Variants in BMP2K observed in about 807,000 individuals in gnomAD.
The protein encoded by BMP2K is BMP-2-inducible protein kinase.
Under a neutral mutation model 116.0 loss-of-function variants are expected in BMP2K, and 74 were observed. That is an observed-to-expected ratio of 0.64 (90% CI 0.53 to 0.77). The LOEUF is 0.77. Among genes scored for constraint, BMP2K ranks in the 30% least tolerant of loss-of-function variants. The pLI is 0.00. For missense variants in BMP2K, 1,365 were observed against 1,403.6 expected (o/e 0.97, Z 0.44); for synonymous variants, 486 against 502.5 (o/e 0.97, Z 0.44).
chr4:78,794,399 G>C (rs955590381), intron 1 of BMP2K, among the ~76,000 whole-genome samples: 1 of 151,970 alleles, frequency 6.6e-6, no homozygotes, highest in Non-Finnish European at 1.5e-5. Flanking sequence ...GTTTCTGTGG[G>C]AAAATATTCT....
intron 7 of BMP2K, chr4:78,859,049 C>G (rs1449613724): frequency 6.6e-6 from 1 of 151,808 alleles, no homozygotes; most frequent in African/African-American, 2.4e-5. Flanking sequence ...AGATACAGAA[C>G]TATGGTGAAT....
intron 2 of BMP2K, 66 bp downstream of exon 2, chr4:78,826,221 G>A (rs1372834061): frequency 9.2e-6 from 11 of 1,195,946 alleles, no homozygotes; most frequent in Non-Finnish European, 1.1e-5. Context: ...TTCTTGGGAT[G>A]GAGTGCAGTG....
rs533897157 is a variant in BMP2K, at chr4:78,894,708, A to T, written c.2062+7424A>T. ...GTATCACTTTTAATTTCCTTCAATA[A>T]TTTTTCCTTTGTGTTCACTTGGCTA... is the stretch of plus-strand genomic sequence containing the variant. On this transcript the variant is annotated intron_variant, in intron 15 of 15. Coordinates refer to ENST00000502613, the MANE Select transcript of BMP2K (RefSeq NM_198892.2). 3.3e-5 allele frequency among the ~76,000 whole-genome samples: 5 copies of T among 152,046 alleles called. 1 individual carries two copies. Among genetic ancestry groups the T allele is most frequent in the Middle Eastern group, 6.8e-3 (2 of 294 alleles).
At chr4:78,808,513 G>A (rs757617531) in intron 1 of BMP2K, among the ~76,000 whole-genome samples, 3 of 151,928 alleles carry the variant, frequency 2.0e-5, no homozygotes, top group African/African-American at 4.8e-5. Flanking sequence ...TGATCCGTCC[G>A]CCTCAGCCTC....
At chr4:78,823,437 AG>A (rs1283684436) in intron 1 of BMP2K, among the ~76,000 whole-genome samples, 3 of 150,498 alleles carry the variant, frequency 2.0e-5, no homozygotes, top group Non-Finnish European at 4.4e-5. Flanking sequence ...AGAGTAAAAT[AG>A]TATAACAAGT....
chr4:78,848,034 G>GA (rs929966534), intron 6 of BMP2K, among the ~76,000 whole-genome samples: 1 of 151,566 alleles, frequency 6.6e-6, no homozygotes. Context: ...GTAATGTACA[G>GA]AAAATTGTCA....
At chr4:78,892,844 T>G (rs1733514785) in intron 15 of BMP2K, among the ~76,000 whole-genome samples, 1 of 152,242 alleles carries the variant, frequency 6.6e-6, no homozygotes. Flanking sequence ...TAAAAAATGC[T>G]AACAATCATC....
intron 1 of BMP2K, among the ~76,000 whole-genome samples, chr4:78,792,945 C>A (rs193265151): frequency 6.6e-4 from 101 of 152,268 alleles, no homozygotes; most frequent in Non-Finnish European, 5.0e-4. Context: ...GCTAAATTAT[C>A]TTTATGTACT....
At chr4:78,901,966 A>G (rs1734029371) in intron 15 of BMP2K, among the ~76,000 whole-genome samples, 1 of 152,142 alleles carries the variant, frequency 6.6e-6, no homozygotes, top group Non-Finnish European at 1.5e-5. Context: ...TGAGTTTAGG[A>G]TTGGGAAACA....
At chr4:78,806,173 T>G (rs893986875) in intron 1 of BMP2K, among the ~76,000 whole-genome samples, 4 of 151,912 alleles carry the variant, frequency 2.6e-5, no homozygotes, top group African/African-American at 9.7e-5. Context: ...GGTTTTCCTA[T>G]GTATATATTT....
rs34288286 is a variant in BMP2K at position 78,786,405 on chromosome 4, ATGTGTGTGTGTG to A, written c.178+9720_178+9731del. On this transcript the variant is annotated intron_variant, in intron 1 of 15. Coordinates refer to ENST00000502613, the MANE Select transcript of BMP2K (RefSeq NM_198892.2). ...AATTCTGTTGCTTATAAGCCACCCA[ATGTGTGTGTGTG>A]TGTGTGTGTGTGTGTGTGTGTGTGT... Among the ~76,000 whole-genome samples the A allele has an allele frequency of 6.8e-3, 914 of 134,378 alleles. 12 individuals carry two copies. The highest frequency in any genetic ancestry group is 0.024 in the African/African-American group (871 of 36,024). 88.2% of individuals were successfully genotyped at this position (134,378 alleles called of 152,430 possible).
At chr4:78,891,287 C>T (rs1325532765) in intron 15 of BMP2K, among the ~76,000 whole-genome samples, 2 of 151,904 alleles carry the variant, frequency 1.3e-5, no homozygotes, top group Non-Finnish European at 2.9e-5. Flanking sequence ...CTTATTCCTG[C>T]TCCTCTTTCT....
Position 78,776,651 on chromosome 4 carries a change from C to T in BMP2K, c.108C>T (p.Gly36=). The T allele has an allele frequency of 8.2e-7, 1 of 1,226,816 alleles. No homozygotes were observed. The highest frequency in any genetic ancestry group is 1.0e-6 in the Non-Finnish European group (1 of 980,548). The allele number at this position is 1,226,816 out of a possible 1,614,324, so 76.0% of individuals were successfully genotyped here. A position where few individuals can be genotyped will look rare whatever the true frequency, so the allele number is the denominator to read the frequency against. The change falls in exon 1 of 16, where the codon GGC becomes GGT. Residue 36 remains glycine, a synonymous_variant. Transcript: ENST00000502613. ...CCGGGGCCGGCTGCGGCTCCGGCGG[C>T]TCGTCCGTGGGGGTCCGGGTGTTCG... ...AGAGAGCGSG[G]SSVGVRVFAV...
intron 7 of BMP2K, among the ~76,000 whole-genome samples, chr4:78,858,260 C>A (rs531121901): frequency 6.6e-6 from 1 of 151,744 alleles, no homozygotes; most frequent in Admixed American, 6.6e-5. Flanking sequence ...ACTGTTGTTA[C>A]GTTAAAAACA....
intron 1 of BMP2K, among the ~76,000 whole-genome samples, chr4:78,785,838 C>T (rs1285855515): frequency 6.6e-6 from 1 of 152,182 alleles, no homozygotes. Flanking sequence ...CTTTCAGACT[C>T]TTTCCTTGCC....
chr4:78,874,513 G>T (rs2110063202), intron 13 of BMP2K, among the ~76,000 whole-genome samples: 1 of 152,240 alleles, frequency 6.6e-6, no homozygotes. Flanking sequence ...CTAATTAGAT[G>T]ATTGCTTTTT....
At chr4:78,863,194 A>G (rs1489508964) in intron 9 of BMP2K, among the ~76,000 whole-genome samples, 1 of 152,106 alleles carries the variant, frequency 6.6e-6, no homozygotes, top group African/African-American at 2.4e-5. Context: ...AATAAGGTTG[A>G]TTGGTACTTA....
chr4:78,778,375 A>G (rs768447447), intron 1 of BMP2K, among the ~76,000 whole-genome samples: 1 of 152,256 alleles, frequency 6.6e-6, no homozygotes, highest in Non-Finnish European at 1.5e-5. Context: ...AGTTCGTTCA[A>G]CCACAACGAA....
At chr4:78,794,005 A>T (rs1728133035) in intron 1 of BMP2K, among the ~76,000 whole-genome samples, 1 of 152,158 alleles carries the variant, frequency 6.6e-6, no homozygotes, top group African/African-American at 2.4e-5. Flanking sequence ...AGTTGGGGTT[A>T]TTCGCCTGGG....
Sources: allele counts gnomAD v4.1 joint callset (sites outside exome capture counted in the v4.1 genomes callset), GRCh38; gene constraint gnomAD v4.1.1; transcripts MANE v1.5; gene names NCBI Gene and HGNC (gene_info 2026-07-23, HGNC 2026-07-21).